Variants in CDON observed in about 807,000 individuals in gnomAD.
CDON encodes cell adhesion molecule-related/down-regulated by oncogenes.
In CDON, 73 loss-of-function variants were observed where a neutral mutation model predicts 120.9. The observed-to-expected ratio is 0.60, with a 90% CI of 0.50 to 0.73. The LOEUF (loss-of-function observed/expected upper bound fraction) is 0.73. Ranked by LOEUF, CDON falls within the 30% of genes least tolerant of loss-of-function variation. The probability of loss-of-function intolerance (pLI) is 0.00; values close to 1 mark genes in which losing one functional copy is unlikely to be tolerated. For missense variants in CDON, 1,470 were observed against 1,587.3 expected, an observed-to-expected ratio of 0.93 and a Z score of 1.26; for synonymous variants, 566 against 573.5, an observed-to-expected ratio of 0.99 and a Z score of 0.19.
intron 1 of CDON, among the ~76,000 whole-genome samples, chr11:126,030,258 T>C (rs569377366): frequency 2.6e-5 from 4 of 152,380 alleles, no homozygotes; most frequent in Admixed American, 1.3e-4. Context: ...TGTGAACTTA[T>C]TGCTTTTATA....
intron 14 of CDON, among the ~76,000 whole-genome samples, chr11:125,992,231 A>T (rs1362985196): frequency 1.3e-5 from 2 of 152,166 alleles, no homozygotes; most frequent in Non-Finnish European, 2.9e-5. Flanking sequence ...CAAATGGAGG[A>T]CAATCACTAT....
At chr11:126,002,426 T>C (rs1336067084) in intron 10 of CDON, among the ~76,000 whole-genome samples, 1 of 152,224 alleles carries the variant, frequency 6.6e-6, no homozygotes, top group Non-Finnish European at 1.5e-5. Flanking sequence ...AGTAATTAGA[T>C]GAAAGGGTCT....
intron 1 of CDON, among the ~76,000 whole-genome samples, chr11:126,041,459 C>G (rs887047091): frequency 2.6e-5 from 4 of 152,170 alleles, no homozygotes; most frequent in Non-Finnish European, 4.4e-5. Context: ...ACTTATGACA[C>G]AGATGGGCAT....
intron 18 of CDON, among the ~76,000 whole-genome samples, chr11:125,973,514 G>C (rs2134402712): frequency 6.6e-6 from 1 of 152,288 alleles, no homozygotes; most frequent in East Asian, 1.9e-4. Context: ...CTGGGCAACA[G>C]AGTGAGACTC....
chr11:125,997,097 C>T (rs1041469017), intron 12 of CDON, 110 bp downstream of exon 12: 3 of 844,386 alleles, frequency 3.6e-6, no homozygotes, highest in Non-Finnish European at 5.9e-6. Context: ...CATGATTATG[C>T]CACTGCACTC....
intron 3 of CDON, 59 bp downstream of exon 3, chr11:126,021,189 T>C (rs2134692853): frequency 6.4e-7 from 1 of 1,557,038 alleles, no homozygotes; most frequent in African/African-American, 1.4e-5. Context: ...TTCAGAAATA[T>C]AAGCACTAAC....
intron 7 of CDON, among the ~76,000 whole-genome samples, chr11:126,012,823 A>G (rs1947346900): frequency 6.6e-6 from 1 of 152,204 alleles, no homozygotes; most frequent in African/African-American, 2.4e-5. Context: ...CCAGCAAACT[A>G]TTTGGGATAG....
chr11:126,059,357 C>T (rs750751056), intron 1 of CDON, among the ~76,000 whole-genome samples: 1 of 152,122 alleles, frequency 6.6e-6, no homozygotes, highest in Non-Finnish European at 1.5e-5. Flanking sequence ...TAATAAAGTC[C>T]GGACTAGCAA....
At chr11:126,057,820 T>C (rs1948715366) in intron 1 of CDON, among the ~76,000 whole-genome samples, 1 of 152,252 alleles carries the variant, frequency 6.6e-6, no homozygotes, top group South Asian at 2.1e-4. Context: ...TTCTGAGAAA[T>C]ACATGTACAC....
At chr11:125,997,896 G>A (rs1302355868) in intron 11 of CDON, among the ~76,000 whole-genome samples, 1 of 152,078 alleles carries the variant, frequency 6.6e-6, no homozygotes, top group Non-Finnish European at 1.5e-5. Flanking sequence ...CTATAGGAAG[G>A]TTACTCCAAA....
chr11:126,001,835 G>C lies in CDON; in HGVS notation c.2042C>G (p.Ser681Ter). Residue 681 changes from serine to a stop codon, truncating the protein, a stop_gained, in exon 11 of 20, where the codon TCA becomes TGA. Transcript: ENST00000531738. LOFTEE classifies it high-confidence loss of function. Reference sequence around the variant, plus strand: ...TGGAGAGGATGCCTGGGTGTTTTTTGATGACGCTGTTTTTTCTAGAAAGGT... The same window carrying C: ...TGGAGAGGATGCCTGGGTGTTTTTTCATGACGCTGTTTTTTCTAGAAAGGT... ...FRTSKEKTASSKNTQASSPPV... is the reference protein window; with the variant it reads ...FRTSKEKTAS 2.5e-6 allele frequency: 4 copies of C among 1,604,426 alleles called. No homozygotes were observed. The highest frequency in any genetic ancestry group is 3.4e-6 in the Non-Finnish European group (4 of 1,171,100).
At chr11:126,023,607 A>C (rs759471556) in intron 1 of CDON, 70 bp from the exon 2 acceptor site, 15 of 745,016 alleles carry the variant, frequency 2.0e-5, no homozygotes, top group Non-Finnish European at 3.3e-5. Flanking sequence ...AGCTGTGAGC[A>C]TGACGGCTGC....
chr11:125,989,837 G>T, intron 14 of CDON, 78 bp from the exon 15 acceptor site: 1 of 1,375,850 alleles, frequency 7.3e-7, no homozygotes, highest in South Asian at 1.2e-5. Context: ...ATGTTTTCAG[G>T]ATGAGGCTGG....
At chr11:126,028,590 T>C (rs1484709207) in intron 1 of CDON, among the ~76,000 whole-genome samples, 1 of 151,996 alleles carries the variant, frequency 6.6e-6, no homozygotes, top group African/African-American at 2.4e-5. Context: ...CTCGAACTCC[T>C]GGCCTCAAGC....
At chr11:126,057,189 T>A (rs1047513793) in intron 1 of CDON, among the ~76,000 whole-genome samples, 1 of 152,206 alleles carries the variant, frequency 6.6e-6, no homozygotes, top group African/African-American at 2.4e-5. Context: ...TTTCCTAAGA[T>A]AGCCATTGGG....
chr11:126,049,153 A>C (rs1447144943), intron 1 of CDON, among the ~76,000 whole-genome samples: 5 of 152,244 alleles, frequency 3.3e-5, no homozygotes. Flanking sequence ...ATAGATAAAA[A>C]TACTACAGAC....
intron 3 of CDON, among the ~76,000 whole-genome samples, chr11:126,020,724 A>G (rs889638310): frequency 1.3e-5 from 2 of 152,242 alleles, no homozygotes; most frequent in Admixed American, 1.3e-4. Flanking sequence ...CCGTAAGTTC[A>G]ATACTCAACA....
intron 18 of CDON, among the ~76,000 whole-genome samples, chr11:125,976,056 T>C (rs1286834811): frequency 6.6e-6 from 1 of 152,214 alleles, no homozygotes; most frequent in East Asian, 1.9e-4. Flanking sequence ...GTCGATATTC[T>C]AAAAGCATAA....
intron 9 of CDON, among the ~76,000 whole-genome samples, chr11:126,004,745 T>C (rs556944622): frequency 6.6e-6 from 1 of 152,188 alleles, no homozygotes; most frequent in African/African-American, 2.4e-5. Context: ...TAAAATATCA[T>C]CATGTTATTT....
Sources: allele counts gnomAD v4.1 joint callset (sites outside exome capture counted in the v4.1 genomes callset), GRCh38; gene constraint gnomAD v4.1.1; transcripts MANE v1.5; gene names NCBI Gene and HGNC (gene_info 2026-07-23, HGNC 2026-07-21).